Variants in ANO6 observed in about 807,000 individuals in gnomAD.
The protein encoded by ANO6 is anoctamin 6, also known as anoctamin-6.
Under a neutral mutation model 117.5 loss-of-function variants are expected in ANO6, and 106 were observed. The ratio of observed to expected loss-of-function variants is 0.90; its 90% CI spans 0.77 to 1.06. The LOEUF (loss-of-function observed/expected upper bound fraction) is 1.06. ANO6 is among the 50% of genes least tolerant of loss of function. The probability of loss-of-function intolerance (pLI) is 0.00; values close to 1 mark genes in which losing one functional copy is unlikely to be tolerated. For missense variants in ANO6, 955 were observed against 1,121.1 expected (o/e 0.85, Z 2.12); for synonymous variants, 367 against 385.1 (o/e 0.95, Z 0.55).
intron 1 of ANO6, among the ~76,000 whole-genome samples, chr12:45,218,887 G>T (rs1240088141): frequency 6.6e-6 from 1 of 152,146 alleles, no homozygotes; most frequent in African/African-American, 2.4e-5. Flanking sequence ...ACCCACTTGG[G>T]TACGGAAGAT....
At chr12:45,288,409 C>T (rs966642802) in intron 1 of ANO6, among the ~76,000 whole-genome samples, 3 of 151,950 alleles carry the variant, frequency 2.0e-5, no homozygotes, top group Non-Finnish European at 2.9e-5. Flanking sequence ...CCCCATTCCC[C>T]CTTCTCCTGG....
chr12:45,283,106 TACACTCA>T (rs1258071883), intron 1 of ANO6, among the ~76,000 whole-genome samples: 1 of 152,240 alleles, frequency 6.6e-6, no homozygotes, highest in East Asian at 1.9e-4. Context: ...CTCATAATGT[TACACTCA>T]ACATCTTAAC....
At chr12:45,256,075 C>T (rs11182948) in intron 1 of ANO6, among the ~76,000 whole-genome samples, 66,704 of 151,908 alleles carry the variant, frequency 0.44, 14,984 homozygotes, top group South Asian at 0.56. Flanking sequence ...CCGCCTGTCT[C>T]GGCCTCCCAA....
chr12:45,216,345 T>C lies in ANO6; in HGVS notation c.24T>C (p.Val8=), dbSNP rs529894025. The change falls in exon 1 of 20, where the codon GTT becomes GTC. Residue 8 remains valine (V), a synonymous_variant. Transcript: ENST00000320560. ...ACATGAAAAAGATGAGCAGGAATGT[T>C]TTGCTACAAATGGAGGAGGAGGAGG... MKKMSRN[V]LLQMEEEEDD... is the part of the protein sequence containing the mutation. 5.6e-6 allele frequency: 9 copies of C among 1,612,878 alleles called. No individual in the cohort carries two copies. In the South Asian group the frequency reaches 9.9e-5, roughly 18 times the overall value.
chr12:45,395,681 T>G (rs1593061630), intron 12 of ANO6, among the ~76,000 whole-genome samples: 2 of 152,174 alleles, frequency 1.3e-5, no homozygotes, highest in East Asian at 3.8e-4. Flanking sequence ...GCAAGGCTGG[T>G]TCAACATATG....
At chr12:45,408,361 T>C (rs1210123404) in intron 15 of ANO6, among the ~76,000 whole-genome samples, 1 of 152,182 alleles carries the variant, frequency 6.6e-6, no homozygotes, top group Non-Finnish European at 1.5e-5. Flanking sequence ...CAGTTCTCTA[T>C]GCCACAGGTG....
chr12:45,340,519 T>A (rs1039024503), intron 3 of ANO6, among the ~76,000 whole-genome samples: 1 of 152,174 alleles, frequency 6.6e-6, no homozygotes, highest in Admixed American at 6.6e-5. Flanking sequence ...TTTTGTTTTT[T>A]TAGTCAGTGA....
In ANO6 at chr12:45,281,924, G is replaced by A. The variant is rs143014894; in HGVS notation, c.71-20090G>A. Among the ~76,000 whole-genome samples the A allele has an allele frequency of 1.4e-3, 213 of 152,284 alleles. 1 individual carries two copies. The highest frequency in any genetic ancestry group is 4.9e-3 in the African/African-American group (205 of 41,562). The stretch of plus-strand genomic sequence containing the variant: ...GAAAGTTGCTGGCAGGTGGGCGGGC[G>A]GTCAGGAGGTTGGTGCAATAGTCCC... On this transcript the variant is annotated intron_variant, in intron 1 of 19. Coordinates refer to ENST00000320560, the MANE Select transcript of ANO6 (RefSeq NM_001025356.3).
At chr12:45,252,126 T>C (rs1937642820) in intron 1 of ANO6, among the ~76,000 whole-genome samples, 1 of 152,232 alleles carries the variant, frequency 6.6e-6, no homozygotes, top group African/African-American at 2.4e-5. Flanking sequence ...AGGATGTTTT[T>C]CAGCCATTTC....
chr12:45,357,369 G>A lies in ANO6; in HGVS notation c.943G>A (p.Val315Ile), dbSNP rs1426781388. ...TCAGATGCTTCTCCTGGCCGCAGTT[G>A]TAGGAGTGGCTTGCTTTCTCTATGG... is the stretch of plus-strand genomic sequence containing the variant. ...YTQMLLLAAV[V>I]GVACFLYGYL... The change falls in exon 8 of 20, where the codon GTA (valine) becomes ATA (isoleucine). Residue 315 changes from valine (V) to isoleucine (I), a missense_variant. Transcript: ENST00000320560. 4 of 1,613,920 alleles carry A rather than the reference G, an allele frequency of 2.5e-6. No individual in the cohort carries two copies. Among genetic ancestry groups the A allele is most frequent in the East Asian group, 4.5e-5 (2 of 44,882 alleles).
intron 7 of ANO6, among the ~76,000 whole-genome samples, chr12:45,356,148 C>T (rs2137471160): frequency 6.6e-6 from 1 of 152,228 alleles, no homozygotes; most frequent in Middle Eastern, 3.4e-3. Context: ...CCTACGTGGC[C>T]TCTTCAGTTT....
intron 2 of ANO6, among the ~76,000 whole-genome samples, chr12:45,317,133 T>A (rs4335607): frequency 0.71 from 46,579 of 65,620 alleles, 19,101 homozygotes; most frequent in Non-Finnish European, 0.91. Flanking sequence ...ATATATATAT[T>A]TATTATACTT....
At position 45,367,700 on chromosome 12, in the gene ANO6, T is replaced by A; in HGVS notation, c.1011T>A (p.Cys337Ter). The change falls in exon 9 of 20, where the codon TGT becomes TGA. Residue 337 changes from cysteine (C) to a stop codon, truncating the protein, a stop_gained. Coordinates refer to ENST00000320560, the MANE Select transcript of ANO6 (RefSeq NM_001025356.3). LOFTEE classifies it high-confidence loss of function. ...QDNCTWSKEV[C>*]HPDIGGKIIM... ...TCTCTCTTTTTAGCAAAGAAGTTTG[T>A]CATCCTGATATTGGTGGCAAGATCA... 1.9e-6 allele frequency: 3 copies of A among 1,612,934 alleles called. No homozygotes were observed. The highest frequency in any genetic ancestry group is 2.5e-6 in the Non-Finnish European group (3 of 1,179,540).
chr12:45,345,782 G>T (rs1221738243), intron 3 of ANO6, among the ~76,000 whole-genome samples: 2 of 152,110 alleles, frequency 1.3e-5, no homozygotes. Flanking sequence ...AGGAAGTGTG[G>T]TTACAGAGCT....
At chr12:45,298,726 A>C (rs1939379756) in intron 1 of ANO6, among the ~76,000 whole-genome samples, 1 of 152,256 alleles carries the variant, frequency 6.6e-6, no homozygotes, top group African/African-American at 2.4e-5. Context: ...AACTATAAAT[A>C]GTTCTAATTT....
intron 4 of ANO6, among the ~76,000 whole-genome samples, chr12:45,347,733 A>C (rs1305752222): frequency 6.6e-6 from 1 of 152,192 alleles, no homozygotes; most frequent in Non-Finnish European, 1.5e-5. Context: ...TAAGTCAATA[A>C]TTAGGGTAGA....
Position 45,430,353 on chromosome 12 carries a change from C to T in ANO6, c.*1042C>T. The T allele has an allele frequency of 7.1e-6, 7 of 985,412 alleles. No individual in the cohort carries two copies. The South Asian group carries it at 2.8e-4, about 40-fold the overall frequency. 61.0% of individuals were successfully genotyped at this position (985,412 alleles called of 1,614,324 possible). On this transcript the variant is annotated 3_prime_UTR_variant, in exon 20 of 20. Coordinates refer to ENST00000320560, the MANE Select transcript of ANO6 (RefSeq NM_001025356.3). The stretch of plus-strand genomic sequence containing the variant: ...GTACAACTGTGTGCATGGGCAGAAA[C>T]AGCAAGTGCCCTCATTGTGGTCATT...
intron 9 of ANO6, among the ~76,000 whole-genome samples, chr12:45,376,921 G>A (rs189051587): frequency 1.4e-4 from 21 of 151,936 alleles, no homozygotes; most frequent in Non-Finnish European, 2.6e-4. Flanking sequence ...GACAATTTAG[G>A]ATTATGCTTG....
intron 1 of ANO6, among the ~76,000 whole-genome samples, chr12:45,238,998 TTC>T (rs1388360728): frequency 6.6e-6 from 1 of 152,246 alleles, no homozygotes; most frequent in Non-Finnish European, 1.5e-5. Context: ...TGATCTAAAA[TTC>T]TCTTTCTTTC....
Sources: gnomAD v4.1 joint callset for allele counts (sites outside exome capture counted in the v4.1 genomes callset) on GRCh38, gnomAD v4.1.1 for gene constraint, MANE v1.5 for transcripts, NCBI Gene and HGNC (gene_info 2026-07-23, HGNC 2026-07-21) for gene names.